The following ARHGEF1 variants were observed in gnomAD, a reference collection of about 807,000 sequenced individuals.
ARHGEF1 encodes Rho guanine nucleotide exchange factor 1.
A neutral mutation model predicts 119.7 loss-of-function variants in ARHGEF1; 40 were observed. The ratio of observed to expected loss-of-function variants is 0.33; its 90% CI spans 0.26 to 0.44. The LOEUF is 0.44. Ranked by LOEUF, ARHGEF1 falls within the 20% of genes least tolerant of loss-of-function variation. The pLI is 1.00. For missense variants in ARHGEF1, 976 were observed against 1,268.3 expected, an observed-to-expected ratio of 0.77 and a Z score of 3.50; for synonymous variants, 494 against 521.0, an observed-to-expected ratio of 0.95 and a Z score of 0.71.
In ARHGEF1 at chr19:41,902,912, G is replaced by A. The variant is rs782762647; in HGVS notation, c.1738+14G>A. ...GGCAGAACACAGGTACCGCGGGCCTGGATCTCTGGGCCTCGGCTCTCCTCT... is the reference window on the plus strand; with the variant it reads ...GGCAGAACACAGGTACCGCGGGCCTAGATCTCTGGGCCTCGGCTCTCCTCT... On this transcript the variant is annotated intron_variant, in intron 18 of 28. Coordinates refer to ENST00000354532, the MANE Select transcript of ARHGEF1 (RefSeq NM_004706.4). This position sits in a 1 kb window ranked among gnomAD's most constrained non-coding sequence, Gnocchi z 6.5. 6.4e-7 allele frequency: 1 copy of A among 1,556,582 alleles called. No homozygotes were observed. The highest frequency in any genetic ancestry group is 1.2e-5 in the South Asian group (1 of 84,896).
At chr19:41,913,833 C>T (rs2145887741) in intron 18 of ARHGEF1, among the ~76,000 whole-genome samples, 1 of 151,086 alleles carries the variant, frequency 6.6e-6, no homozygotes, top group South Asian at 2.1e-4. Flanking sequence ...CACTCCCTCT[C>T]ACACCCCTCC....
At chr19:41,895,302 A>G in intron 11 of ARHGEF1, 47 bp from the exon 12 acceptor site, 1 of 1,563,768 alleles carries the variant, frequency 6.4e-7, no homozygotes, top group Non-Finnish European at 8.7e-7. Flanking sequence ...TGTGGATTTG[A>G]GTTACTGTTC....
intron 1 of ARHGEF1, among the ~76,000 whole-genome samples, chr19:41,924,673 C>A (rs111252786): frequency 6.6e-6 from 1 of 151,998 alleles, no homozygotes; most frequent in East Asian, 1.9e-4. Context: ...CAGATAACCT[C>A]GGACTTAAGA....
intron 1 of ARHGEF1, among the ~76,000 whole-genome samples, chr19:41,926,848 G>T (rs2074874323): frequency 6.6e-6 from 1 of 152,158 alleles, no homozygotes; most frequent in Non-Finnish European, 1.5e-5. Context: ...CTGGAATTAG[G>T]TCCCCGGCTT....
Position 41,888,093 on chromosome 19 carries a change from T to TCGCC in ARHGEF1, c.14_17dup (p.Gly7ProfsTer22). On this transcript the variant is annotated frameshift_variant, in exon 2 of 29. Transcript: ENST00000354532. LOFTEE classifies it high-confidence loss of function. This position sits in a 1 kb window ranked among gnomAD's most constrained non-coding sequence, Gnocchi z 5.1. ...GCAGAGCCCAGGGAGATGGAAGACT[T>TCGCC]CGCCCGAGGGGCGGTGAGTGGACAG... 1 of 1,613,474 alleles carries TCGCC rather than the reference T, an allele frequency of 6.2e-7. No individual in the cohort carries two copies. Among genetic ancestry groups the TCGCC allele is most frequent in the Non-Finnish European group, 8.5e-7 (1 of 1,179,904 alleles).
intron 1 of ARHGEF1, among the ~76,000 whole-genome samples, chr19:41,926,286 G>A (rs1279998396): frequency 6.6e-6 from 1 of 152,088 alleles, no homozygotes; most frequent in Non-Finnish European, 1.5e-5. Flanking sequence ...GGAGGGGCAG[G>A]TGAGAGGAAA....
intron 13 of ARHGEF1, chr19:41,897,194 G>A: frequency 2.0e-6 from 2 of 1,020,606 alleles, no homozygotes; most frequent in Non-Finnish European, 2.7e-6. Flanking sequence ...TACAGCTGGG[G>A]GGCAGGCTCT....
upstream of ARHGEF1, among the ~76,000 whole-genome samples, chr19:41,918,413 C>G (rs916339902): frequency 7.3e-6 from 1 of 136,388 alleles, no homozygotes; most frequent in Non-Finnish European, 1.5e-5. Flanking sequence ...ATCACACACA[C>G]CACACACATA....
In ARHGEF1 at chr19:41,892,190, C is replaced by G. The variant is rs1321476214; in HGVS notation, c.324+67C>G. Reference sequence around the variant, plus strand: ...TGGGCCTGCAGAGTCACCATGCGGTCCCCAGCCTCTGCCCTGAGGGCAGCT... The same window carrying G: ...TGGGCCTGCAGAGTCACCATGCGGTGCCCAGCCTCTGCCCTGAGGGCAGCT... On this transcript the variant is annotated intron_variant, in intron 5 of 28. Transcript: ENST00000354532. The surrounding 1 kb of genome is among the most constrained non-coding windows in gnomAD (Gnocchi z 6.3). The G allele has an allele frequency of 9.6e-6, 15 of 1,562,092 alleles. No homozygotes were observed. Among genetic ancestry groups the G allele is most frequent in the Non-Finnish European group, 1.3e-5 (15 of 1,138,522 alleles).
intron 18 of ARHGEF1, among the ~76,000 whole-genome samples, chr19:41,914,535 GC>G (rs1417401159): frequency 4.2e-5 from 6 of 144,510 alleles, no homozygotes; most frequent in South Asian, 2.2e-4. Flanking sequence ...CCCCATCTCT[GC>G]TATCCGTCTT....
downstream of ARHGEF1, chr19:41,909,808 A>T (rs1374141805): frequency 6.6e-7 from 1 of 1,512,506 alleles, no homozygotes; most frequent in Non-Finnish European, 8.9e-7. This position sits in a 1 kb window ranked among gnomAD's most constrained non-coding sequence, Gnocchi z 5.2. Context: ...GGGGCACCAG[A>T]GGGACAGTTG....
At chr19:41,924,202 T>C (rs1177234824) in intron 1 of ARHGEF1, among the ~76,000 whole-genome samples, 1 of 151,324 alleles carries the variant, frequency 6.6e-6, no homozygotes, top group African/African-American at 2.4e-5. Flanking sequence ...CCTAGGTGGA[T>C]AGGTGTGTCT....
chr19:41,913,025 T>C, intron 18 of ARHGEF1: 1 of 470,906 alleles, frequency 2.1e-6, no homozygotes, highest in Non-Finnish European at 3.4e-6. Context: ...CCTTCCCCTC[T>C]CCCAGGTCCC....
At chr19:41,909,359 C>G (rs1599670756), downstream of ARHGEF1, 1 of 1,235,980 alleles carries the variant, frequency 8.1e-7, no homozygotes, top group Non-Finnish European at 1.0e-6. The surrounding 1 kb of genome is among the most constrained non-coding windows in gnomAD (Gnocchi z 5.2). Flanking sequence ...CCAGTGGCAG[C>G]TGCCGCCATG....
In ARHGEF1 at chr19:41,890,712, G is replaced by A. The variant is rs1555846064; in HGVS notation, c.226-1313G>A. On this transcript the variant is annotated intron_variant, in intron 4 of 28. Coordinates refer to ENST00000354532, the MANE Select transcript of ARHGEF1 (RefSeq NM_004706.4). ...GGAGACTCACTTGAACCTGGGAGGT[G>A]GTGGTTGCAATGAGCCGAGATTGCA... 2.0e-5 allele frequency: 3 copies of A among 151,778 alleles called. No homozygotes were observed. In the East Asian group the frequency reaches 5.8e-4, roughly 29 times the overall value. The allele number at this position is 151,778 out of a possible 1,614,324, so 9.4% of individuals were successfully genotyped here.
chr19:41,924,207 G>A (rs1555853044), intron 1 of ARHGEF1, among the ~76,000 whole-genome samples: 3 of 151,924 alleles, frequency 2.0e-5, no homozygotes, highest in African/African-American at 2.4e-5. Context: ...GTGGATAGGT[G>A]TGTCTGTGGA....
chr19:41,894,213 C>T lies in ARHGEF1; in HGVS notation c.651C>T (p.Ala217=), dbSNP rs1568814573. 14 of 1,531,972 alleles carry T rather than the reference C, an allele frequency of 9.1e-6. No homozygotes were observed. Among genetic ancestry groups the T allele is most frequent in the South Asian group, 2.5e-5 (2 of 79,108 alleles). The allele number at this position is 1,531,972 out of a possible 1,614,324, so 94.9% of individuals were successfully genotyped here. Residue 217 remains alanine (A), a synonymous_variant, in exon 9 of 29, where the codon GCC becomes GCT. Coordinates refer to ENST00000354532, the MANE Select transcript of ARHGEF1 (RefSeq NM_004706.4). ...CACTGTCCCTTCCCTACAGTGCTGCCGTGGTCAACGCCATTGGCCTGTACA... is the reference window on the plus strand; with the variant it reads ...CACTGTCCCTTCCCTACAGTGCTGCTGTGGTCAACGCCATTGGCCTGTACA... ...TISTDEEKSA[A]VVNAIGLYMR...
At position 41,904,138 on chromosome 19, in the gene ARHGEF1, A is replaced by G. The variant is rs782018232; in HGVS notation, c.1993+28A>G. On this transcript the variant is annotated intron_variant, in intron 21 of 28. Transcript: ENST00000354532. The surrounding 1 kb of genome is among the most constrained non-coding windows in gnomAD (Gnocchi z 8.4). ...GAGTGCCAGAGCAGCTGCCTAGTGC[A>G]GGGTGTTGGGGCAGTGAGCCAAGGG... 4 of 1,614,108 alleles carry G rather than the reference A, an allele frequency of 2.5e-6. No individual in the cohort carries two copies. In the East Asian group the frequency reaches 6.7e-5, roughly 27 times the overall value.
chr19:41,903,704 C>T lies in ARHGEF1; in HGVS notation c.1840-3C>T. 1 of 1,612,616 alleles carries T rather than the reference C, an allele frequency of 6.2e-7. No individual in the cohort carries two copies. The highest frequency in any genetic ancestry group is 2.2e-5 in the East Asian group (1 of 44,884). ...CCCCATAATGCTCCCGTCTCTGCCCCAGAGGCTCAAGGACTATCAGCGGCG... is the reference window on the plus strand; with the variant it reads ...CCCCATAATGCTCCCGTCTCTGCCCTAGAGGCTCAAGGACTATCAGCGGCG... On this transcript the variant is annotated splice_region_variant and splice_polypyrimidine_tract_variant and intron_variant, in intron 19 of 28. Transcript: ENST00000354532. This position sits in a 1 kb window ranked among gnomAD's most constrained non-coding sequence, Gnocchi z 4.2.
Sources: gnomAD v4.1 joint callset for allele counts (sites outside exome capture counted in the v4.1 genomes callset) on GRCh38, gnomAD v4.1.1 for gene constraint, Gnocchi (gnomAD v3.1) non-coding constraint, MANE v1.5 for transcripts, NCBI Gene and HGNC (gene_info 2026-07-23, HGNC 2026-07-21) for gene names.